Variants in CDKAL1 observed in about 807,000 individuals in gnomAD.
CDKAL1 encodes the protein CDKAL1 threonylcarbamoyladenosine tRNA methylthiotransferase.
A neutral mutation model predicts 68.2 loss-of-function variants in CDKAL1; 32 were observed. The ratio of observed to expected loss-of-function variants is 0.47; its 90% CI spans 0.35 to 0.63. The LOEUF (loss-of-function observed/expected upper bound fraction) is 0.63, where lower values mean the gene tolerates loss of function less well. CDKAL1 is among the 30% of genes least tolerant of loss of function. CDKAL1 has a pLI of 0.00. For synonymous variants in CDKAL1, 234 were observed against 244.3 expected (o/e 0.96, Z 0.39); for missense variants, 606 against 696.7 (o/e 0.87, Z 1.47).
chr6:20,623,683 A>G (rs921555948), intron 4 of CDKAL1, among the ~76,000 whole-genome samples: 3 of 152,132 alleles, frequency 2.0e-5, no homozygotes, highest in African/African-American at 4.8e-5. Flanking sequence ...TTCCTAAGTC[A>G]TGGTTTCTGA....
chr6:20,702,314 G>A (rs1771402976), intron 5 of CDKAL1, among the ~76,000 whole-genome samples: 1 of 152,072 alleles, frequency 6.6e-6, no homozygotes, highest in African/African-American at 2.4e-5. Flanking sequence ...TGTGTTACAG[G>A]GTGCTTTTTT....
At chr6:20,892,286 A>G (rs939395515) in intron 9 of CDKAL1, among the ~76,000 whole-genome samples, 1 of 152,214 alleles carries the variant, frequency 6.6e-6, no homozygotes, top group Non-Finnish European at 1.5e-5. Flanking sequence ...CACAGATGAA[A>G]AGAGACTTAA....
intron 4 of CDKAL1, among the ~76,000 whole-genome samples, chr6:20,625,763 G>C (rs535819049): frequency 6.6e-6 from 1 of 152,026 alleles, no homozygotes; most frequent in African/African-American, 2.4e-5. Context: ...AGATTTTGCT[G>C]TAGTAAAGAT....
chr6:21,102,674 T>G (rs753528683), intron 12 of CDKAL1, among the ~76,000 whole-genome samples: 2 of 152,212 alleles, frequency 1.3e-5, no homozygotes, highest in Non-Finnish European at 2.9e-5. Context: ...TGTAAACCAG[T>G]CCTGGAGCCC....
intron 12 of CDKAL1, among the ~76,000 whole-genome samples, chr6:21,103,437 GAA>G (rs70990102): frequency 0.13 from 19,470 of 148,240 alleles, 1,355 homozygotes; most frequent in African/African-American, 0.17. Context: ...TTGAGTATAA[GAA>G]AAAAAAAAAA....
intron 4 of CDKAL1, among the ~76,000 whole-genome samples, chr6:20,636,789 C>T (rs1185578523): frequency 6.6e-6 from 1 of 152,120 alleles, no homozygotes; most frequent in Admixed American, 6.5e-5. Flanking sequence ...TGTAATCCCA[C>T]ACTTTGGGAG....
chr6:21,136,881 T>A (rs1775631916), intron 13 of CDKAL1, among the ~76,000 whole-genome samples: 2 of 152,206 alleles, frequency 1.3e-5, no homozygotes, highest in Non-Finnish European at 2.9e-5. Context: ...TTTGGACGCC[T>A]TCTCAAATTA....
Position 20,552,535 on chromosome 6 carries a change from G to C in CDKAL1, c.286+3830G>C, listed in dbSNP as rs576745199. 9.2e-5 allele frequency among the ~76,000 whole-genome samples: 14 copies of C among 151,708 alleles called. No individual in the cohort carries two copies. In the East Asian group the frequency reaches 1.2e-3, roughly 13 times the overall value. On this transcript the variant is annotated intron_variant, in intron 4 of 15. Transcript: ENST00000274695. ...CTGGTATGTTTATACAAGAATATTA[G>C]GTTTTGTTTTACACACCTAATTTTG...
intron 5 of CDKAL1, among the ~76,000 whole-genome samples, chr6:20,653,050 CGCTTTGAGATTT>C (rs1336973298): frequency 6.6e-6 from 1 of 152,130 alleles, no homozygotes; most frequent in Non-Finnish European, 1.5e-5. Context: ...CTCAGCATTA[CGCTTTGAGATTT>C]ATTCATGTTA....
intron 11 of CDKAL1, among the ~76,000 whole-genome samples, chr6:21,045,447 A>G (rs563957005): frequency 1.3e-5 from 2 of 152,294 alleles, no homozygotes; most frequent in African/African-American, 4.8e-5. Flanking sequence ...CCTGACTCTG[A>G]GTCAGGGGCT....
chr6:20,981,716 C>A (rs1230196247), intron 10 of CDKAL1, among the ~76,000 whole-genome samples: 1 of 152,096 alleles, frequency 6.6e-6, no homozygotes, highest in Non-Finnish European at 1.5e-5. Context: ...TGGCAGGTGC[C>A]TATAATCCCA....
Position 20,631,333 on chromosome 6 carries a change from C to A in CDKAL1, c.287-17960C>A, listed in dbSNP as rs189951686. ...TACAATAGCTTGTGGCACAGTTCTG[C>A]TTGCATATATCACTGGTTAGGGATC... On this transcript the variant is annotated intron_variant, in intron 4 of 15. Coordinates refer to ENST00000274695, the MANE Select transcript of CDKAL1 (RefSeq NM_017774.3). Among the ~76,000 whole-genome samples the A allele has an allele frequency of 1.0e-3, 158 of 152,244 alleles. 2 individuals carry two copies. In the South Asian group the frequency reaches 0.016, roughly 16 times the overall value.
intron 9 of CDKAL1, among the ~76,000 whole-genome samples, chr6:20,953,975 A>T (rs1764659802): frequency 6.6e-6 from 1 of 152,070 alleles, no homozygotes. Context: ...CTCAATGCTA[A>T]GTTATTGATT....
intron 4 of CDKAL1, among the ~76,000 whole-genome samples, chr6:20,617,851 T>C (rs542876376): frequency 1.3e-4 from 20 of 152,344 alleles, no homozygotes; most frequent in African/African-American, 4.8e-4. Context: ...AAGTCTTTGC[T>C]ATTGTGAATA....
At chr6:21,140,979 A>C (rs1389585644) in intron 13 of CDKAL1, among the ~76,000 whole-genome samples, 1 of 152,170 alleles carries the variant, frequency 6.6e-6, no homozygotes, top group Non-Finnish European at 1.5e-5. Context: ...ATCAGATCTC[A>C]TGAGACTTAT....
intron 9 of CDKAL1, among the ~76,000 whole-genome samples, chr6:20,943,368 A>G (rs1263515815): frequency 2.7e-5 from 4 of 150,466 alleles, no homozygotes; most frequent in Admixed American, 2.6e-4. Flanking sequence ...AGAAAAAAAA[A>G]GTAATTTGTT....
chr6:21,176,355 G>T (rs1045637837), intron 13 of CDKAL1, among the ~76,000 whole-genome samples: 2 of 152,184 alleles, frequency 1.3e-5, no homozygotes, highest in African/African-American at 4.8e-5. Flanking sequence ...GATTAATTTG[G>T]TGTTACTGTT....
rs755775751 is a variant in CDKAL1, at chr6:21,048,794, G to C, written c.1056-16254G>C. 2.0e-5 allele frequency among the ~76,000 whole-genome samples: 3 copies of C among 151,456 alleles called. No individual in the cohort carries two copies. In the East Asian group the frequency reaches 5.8e-4, roughly 29 times the overall value. The stretch of plus-strand genomic sequence containing the variant: ...TTCCCATTAAAGAATGCCATGATCT[G>C]GGTTTCAGTCTCTAAGTGGTTTTTT... On this transcript the variant is annotated intron_variant, in intron 11 of 15. Coordinates refer to ENST00000274695, the MANE Select transcript of CDKAL1 (RefSeq NM_017774.3).
chr6:21,092,058 T>G (rs1773052550), intron 12 of CDKAL1, among the ~76,000 whole-genome samples: 2 of 151,310 alleles, frequency 1.3e-5, no homozygotes, highest in African/African-American at 4.9e-5. Flanking sequence ...GGCTCATTTT[T>G]TGTATTTTTA....
Sources: allele counts gnomAD v4.1 joint callset (sites outside exome capture counted in the v4.1 genomes callset), GRCh38; gene constraint gnomAD v4.1.1; transcripts MANE v1.5; gene names NCBI Gene and HGNC (gene_info 2026-07-23, HGNC 2026-07-21).